The following PYGL variants were observed in gnomAD, a reference collection of about 807,000 sequenced individuals.
The protein encoded by PYGL is glycogen phosphorylase L.
In PYGL, 90 loss-of-function variants were observed where a neutral mutation model predicts 100.1. That is an observed-to-expected ratio of 0.90 (90% CI 0.76 to 1.07). The LOEUF (loss-of-function observed/expected upper bound fraction) is 1.07. Among genes scored for constraint, PYGL ranks in the 50% least tolerant of loss-of-function variants. PYGL has a pLI of 0.00. For synonymous variants in PYGL, 373 were observed against 393.0 expected, an observed-to-expected ratio of 0.95 and a Z score of 0.60; for missense variants, 1,016 against 1,057.6, an observed-to-expected ratio of 0.96 and a Z score of 0.55.
At position 50,937,681 on chromosome 14, in the gene PYGL, G is replaced by A. The variant is rs568502564; in HGVS notation, c.345+55C>T. The A allele has an allele frequency of 2.0e-6, 3 of 1,508,674 alleles. No individual in the cohort carries two copies. The East Asian group carries it at 6.8e-5, about 34-fold the overall frequency. The allele number at this position is 1,508,674 out of a possible 1,614,324, so 93.5% of individuals were successfully genotyped here. On this transcript the variant is annotated intron_variant, in intron 2 of 19. Coordinates refer to ENST00000216392, the MANE Select transcript of PYGL (RefSeq NM_002863.5). The stretch of plus-strand genomic sequence containing the variant: ...TTTGTGCAATGTCCCCAAGTTTCCT[G>A]AAGTGCACATGAAATTTAAAGAGAC...
At chr14:50,943,458 G>T (rs1014085505) in intron 1 of PYGL, among the ~76,000 whole-genome samples, 104 of 152,240 alleles carry the variant, frequency 6.8e-4, no homozygotes, top group African/African-American at 2.5e-3. Context: ...GCAGGCCTCG[G>T]GTGTGGAAGG....
chr14:50,925,892 A>C (rs1387897910), intron 4 of PYGL, among the ~76,000 whole-genome samples: 1 of 152,174 alleles, frequency 6.6e-6, no homozygotes, highest in African/African-American at 2.4e-5. Context: ...TCAGAAAGTC[A>C]CATCTTCTTA....
chr14:50,920,950 A>G lies in PYGL; in HGVS notation c.772+6T>C, dbSNP rs768613162. ...ATAAAGAAACCAAGGCCTGTGCTGT[A>G]CTCACAGTCTCTGAGGTTAAAGTCA... is the stretch of plus-strand genomic sequence containing the variant. On this transcript the variant is annotated splice_donor_region_variant and intron_variant, in intron 6 of 19. Transcript: ENST00000216392. The G allele has an allele frequency of 2.5e-6, 4 of 1,604,096 alleles. No homozygotes were observed. The highest frequency in any genetic ancestry group is 3.4e-6 in the Non-Finnish European group (4 of 1,170,902).
At chr14:50,939,106 T>A (rs2050682544) in intron 1 of PYGL, among the ~76,000 whole-genome samples, 1 of 152,212 alleles carries the variant, frequency 6.6e-6, no homozygotes, top group South Asian at 2.1e-4. Flanking sequence ...AGTGGCGCAA[T>A]CTCAGCTCAC....
chr14:50,944,111 A>G (rs373409850), intron 1 of PYGL, 50 bp downstream of exon 1: 1 of 1,558,706 alleles, frequency 6.4e-7, no homozygotes, highest in East Asian at 2.3e-5. Context: ...CCGCGGCCGG[A>G]GACTCCGACT....
intron 17 of PYGL, 124 bp from the exon 18 acceptor site, chr14:50,909,079 T>A (rs8004768): frequency 5.6e-6 from 6 of 1,079,146 alleles, no homozygotes; most frequent in African/African-American, 4.7e-5. Flanking sequence ...ATTCAAAGAC[T>A]TCATTATAGA....
At chr14:50,927,780 C>T (rs191280892) in intron 4 of PYGL, among the ~76,000 whole-genome samples, 1 of 152,260 alleles carries the variant, frequency 6.6e-6, no homozygotes. Context: ...AACAAGTTGA[C>T]CTGAGTAGAT....
intron 1 of PYGL, among the ~76,000 whole-genome samples, chr14:50,943,790 C>T (rs1596056667): frequency 6.6e-6 from 1 of 152,240 alleles, no homozygotes; most frequent in Non-Finnish European, 1.5e-5. Flanking sequence ...GTCCGGCATA[C>T]AGGACAAGAG....
At position 50,911,610 on chromosome 14, in the gene PYGL, C is replaced by T. The variant is rs894874411; in HGVS notation, c.1969+120G>A. 2.7e-5 allele frequency: 36 copies of T among 1,340,960 alleles called. No individual in the cohort carries two copies. In the East Asian group the frequency reaches 8.5e-4, roughly 32 times the overall value. 83.1% of individuals were successfully genotyped at this position (1,340,960 alleles called of 1,614,324 possible). A position where few individuals can be genotyped will look rare whatever the true frequency, so the allele number is the denominator to read the frequency against. ...TCTTACCGTAGGCCCTTATTCTGCACAAGAGTGACACCTTCTATCCTAAGT... is the reference window on the plus strand; with the variant it reads ...TCTTACCGTAGGCCCTTATTCTGCATAAGAGTGACACCTTCTATCCTAAGT... On this transcript the variant is annotated intron_variant, in intron 16 of 19. Transcript: ENST00000216392.
At position 50,915,687 on chromosome 14, in the gene PYGL, T is replaced by C. The variant is rs1890700; in HGVS notation, c.1239+138A>G. The C allele has an allele frequency of 0.37, 521,431 of 1,420,208 alleles. 104,349 individuals are homozygous for C. Among genetic ancestry groups the C allele is most frequent in the East Asian group, 0.66 (26,816 of 40,796 alleles). The allele number at this position is 1,420,208 out of a possible 1,614,324, so 88.0% of individuals were successfully genotyped here. A position where few individuals can be genotyped will look rare whatever the true frequency, so the allele number is the denominator to read the frequency against. On this transcript the variant is annotated intron_variant, in intron 10 of 19. Transcript: ENST00000216392. ...CAGCACTTTCAAAAAGCTGCCTTTG[T>C]TGGAGCCCCGTTCGGACTTGAGTAC... is the stretch of plus-strand genomic sequence containing the variant.
chr14:50,928,083 G>C (rs901593482), intron 4 of PYGL, among the ~76,000 whole-genome samples: 5 of 152,190 alleles, frequency 3.3e-5, no homozygotes, highest in Non-Finnish European at 5.9e-5. Context: ...GATCTGTGGA[G>C]TAAAAGAGCC....
intron 7 of PYGL, among the ~76,000 whole-genome samples, chr14:50,919,188 A>G (rs751722690): frequency 2.6e-5 from 4 of 152,174 alleles, no homozygotes; most frequent in Non-Finnish European, 5.9e-5. Context: ...GTCCTTACTG[A>G]AGACAGGAGG....
intron 4 of PYGL, among the ~76,000 whole-genome samples, chr14:50,927,718 A>G (rs59177738): frequency 0.022 from 3,376 of 152,286 alleles, 32 homozygotes; most frequent in African/African-American, 0.037. Context: ...GAATAATTCT[A>G]TCAATTTTAT....
At position 50,944,175 on chromosome 14, in the gene PYGL, C is replaced by T; in HGVS notation, c.229G>A (p.Asp77Asn). 1 of 1,607,074 alleles carries T rather than the reference C, an allele frequency of 6.2e-7. No homozygotes were observed. Among genetic ancestry groups the T allele is most frequent in the Non-Finnish European group, 8.5e-7 (1 of 1,179,266 alleles). The part of the protein sequence containing the change: ...RWIRTQQHYY[D>N]KCPKRVYYLS... Reference sequence around the variant, plus strand: ...CCCCCGGTTACCTTGGGGCACTTGTCGTAGTAGTGCTGCTGCGTGCGGATC... The same window carrying T: ...CCCCCGGTTACCTTGGGGCACTTGTTGTAGTAGTGCTGCTGCGTGCGGATC... The change falls in exon 1 of 20, where the codon GAC becomes AAC. Residue 77 changes from aspartate to asparagine, a missense_variant. Physicochemically the swap from Asp to Asn is conservative, Grantham distance 23. Transcript: ENST00000216392.
rs77861073 is a variant in PYGL, at chr14:50,941,507, G to A, written c.243+2654C>T. Among the ~76,000 whole-genome samples, 647 of 152,282 alleles carry A rather than the reference G, an allele frequency of 4.2e-3. 7 individuals are homozygous for A. Among genetic ancestry groups the A allele is most frequent in the African/African-American group, 0.015 (610 of 41,562 alleles). ...TCAAGGGAACCTATAGAAATCAACAGAAATTGGCAAACAGTTGAACGGCAA... is the reference window on the plus strand; with the variant it reads ...TCAAGGGAACCTATAGAAATCAACAAAAATTGGCAAACAGTTGAACGGCAA... On this transcript the variant is annotated intron_variant, in intron 1 of 19. Coordinates refer to ENST00000216392, the MANE Select transcript of PYGL (RefSeq NM_002863.5).
At chr14:50,924,590 G>A (rs2050530499) in intron 4 of PYGL, among the ~76,000 whole-genome samples, 1 of 152,170 alleles carries the variant, frequency 6.6e-6, no homozygotes, top group African/African-American at 2.4e-5. Flanking sequence ...GTTAGAAAAT[G>A]CTACTTACAG....
intron 4 of PYGL, among the ~76,000 whole-genome samples, chr14:50,930,397 A>G (rs2050591981): frequency 6.6e-6 from 1 of 152,240 alleles, no homozygotes; most frequent in South Asian, 2.1e-4. Context: ...AGTTGACATT[A>G]GGTCTCAAAT....
chr14:50,915,623 G>T, intron 10 of PYGL, 124 bp from the exon 11 acceptor site: 1 of 1,438,548 alleles, frequency 7.0e-7, no homozygotes, highest in Non-Finnish European at 9.6e-7. Flanking sequence ...CCACAGGGAG[G>T]GGTTGAGTTA....
rs561158070 is a variant in PYGL, at chr14:50,920,896, A to C, written c.772+60T>G. On this transcript the variant is annotated intron_variant, in intron 6 of 19. Coordinates refer to ENST00000216392, the MANE Select transcript of PYGL (RefSeq NM_002863.5). ...TTGTTTCAAGCTCAATTTGGTTCTAACTACCAATCAAAAAGATTAAGCACA... is the reference window on the plus strand; with the variant it reads ...TTGTTTCAAGCTCAATTTGGTTCTACCTACCAATCAAAAAGATTAAGCACA... 1.0e-5 allele frequency: 15 copies of C among 1,495,918 alleles called. No homozygotes were observed. The African/African-American group carries it at 1.8e-4, about 18-fold the overall frequency. The allele number at this position is 1,495,918 out of a possible 1,614,324, so 92.7% of individuals were successfully genotyped here. A position where few individuals can be genotyped will look rare whatever the true frequency, so the allele number is the denominator to read the frequency against.
Sources: gnomAD v4.1 joint callset for allele counts (sites outside exome capture counted in the v4.1 genomes callset) on GRCh38, gnomAD v4.1.1 for gene constraint, MANE v1.5 for transcripts, NCBI Gene and HGNC (gene_info 2026-07-23, HGNC 2026-07-21) for gene names.